COPA: variants seen among roughly 807,000 people sequenced by gnomAD.
COPA encodes coat protein complex I subunit alpha.
In COPA, 10 loss-of-function variants were observed where a neutral mutation model predicts 158.7. The observed-to-expected ratio is 0.06, with a 90% confidence interval of 0.04 to 0.11. The LOEUF is 0.11. Among genes scored for constraint, COPA ranks in the 10% least tolerant of loss-of-function variants. COPA has a pLI of 1.00. For missense variants in COPA, 1,065 were observed against 1,536.7 expected (o/e 0.69, Z 5.13); for synonymous variants, 462 against 542.8 (o/e 0.85, Z 2.07).
rs1327051756 is a variant in COPA, at chr1:160,298,190, GA to G, written c.1978-446del. On this transcript the variant is annotated intron_variant, in intron 19 of 32. Coordinates refer to ENST00000241704, the MANE Select transcript of COPA (RefSeq NM_004371.4). ...GAGCGAGACTCCGCCTCAAAAAAAAGAAAAAAAAAAAAAGAAAATCCAGTGA... is the reference window on the plus strand; with the variant it reads ...GAGCGAGACTCCGCCTCAAAAAAAAGAAAAAAAAAAAAGAAAATCCAGTGA... Among the ~76,000 whole-genome samples the G allele has an allele frequency of 6.0e-3, 709 of 117,658 alleles. 4 individuals carry two copies. Among genetic ancestry groups the G allele is most frequent in the African/African-American group, 0.017 (557 of 31,926 alleles). 77.2% of individuals were successfully genotyped at this position (117,658 alleles called of 152,430 possible).
At chr1:160,290,461 C>T (rs1483833090) in intron 32 of COPA, 31 bp downstream of exon 32, 3 of 1,602,934 alleles carry the variant, frequency 1.9e-6, no homozygotes, top group Non-Finnish European at 2.6e-6. Flanking sequence ...CGCTCAATAT[C>T]CTAGATATAT....
intron 8 of COPA, chr1:160,317,621 A>C: frequency 6.5e-7 from 1 of 1,547,110 alleles, no homozygotes; most frequent in Non-Finnish European, 8.9e-7. Context: ...ATTGCTGATA[A>C]TCATACTCCA....
intron 7 of COPA, 40 bp from the exon 8 acceptor site, chr1:160,323,570 C>A (rs1301709224): frequency 6.7e-7 from 1 of 1,501,134 alleles, no homozygotes; most frequent in South Asian, 1.2e-5. Flanking sequence ...TCTTTATAGT[C>A]ATTACTCAAA....
In COPA at chr1:160,297,764, C is replaced by T. The variant is rs770019968; in HGVS notation, c.1978-19G>A. 40 of 1,610,494 alleles carry T rather than the reference C, an allele frequency of 2.5e-5. No individual in the cohort carries two copies. The highest frequency in any genetic ancestry group is 3.4e-5 in the Admixed American group (2 of 59,328). On this transcript the variant is annotated intron_variant, in intron 19 of 32. Transcript: ENST00000241704. ...GAGCAATCTAAAGAATCCCCAGGGTCGTGTTAACAGGTTGAAGGACAATGT... is the reference window on the plus strand; with the variant it reads ...GAGCAATCTAAAGAATCCCCAGGGTTGTGTTAACAGGTTGAAGGACAATGT...
At chr1:160,291,541 T>G in intron 30 of COPA, 45 bp from the exon 31 acceptor site, 1 of 1,595,436 alleles carries the variant, frequency 6.3e-7, no homozygotes, top group Non-Finnish European at 8.6e-7. Context: ...ATGCTACACC[T>G]GGTAGAAGTC....
At chr1:160,308,524 C>T (rs1034744191) in intron 13 of COPA, among the ~76,000 whole-genome samples, 1 of 152,182 alleles carries the variant, frequency 6.6e-6, no homozygotes. Context: ...ACCCAAAAGA[C>T]CATAGGCAAT....
At chr1:160,307,581 G>A (rs1178149735) in intron 13 of COPA, among the ~76,000 whole-genome samples, 3 of 152,088 alleles carry the variant, frequency 2.0e-5, no homozygotes, top group Admixed American at 6.6e-5. Flanking sequence ...GCCAAGCTGC[G>A]GCAAAGCAAG....
In COPA at chr1:160,291,508, A is replaced by G; in HGVS notation, c.3259-12T>C. The G allele has an allele frequency of 6.2e-7, 1 of 1,610,758 alleles. No individual in the cohort carries two copies. Among genetic ancestry groups the G allele is most frequent in the Non-Finnish European group, 8.5e-7 (1 of 1,177,404 alleles). ...AAATAGGCTGCCATCTGGTGGACAG[A>G]AAAAGGAACACATGCCAGGTTGATG... On this transcript the variant is annotated splice_polypyrimidine_tract_variant and intron_variant, in intron 30 of 32. Transcript: ENST00000241704.
At chr1:160,318,492 CAAAAA>C (rs1184111001) in intron 8 of COPA, among the ~76,000 whole-genome samples, 1 of 58,080 alleles carries the variant, frequency 1.7e-5, no homozygotes, top group Non-Finnish European at 2.8e-5. Context: ...AAAAAAAAAA[CAAAAA>C]AAAAAAAAAA....
In COPA at chr1:160,289,745, C is replaced by G. The variant is rs185544068; in HGVS notation, c.*412G>C. On this transcript the variant is annotated 3_prime_UTR_variant, in exon 33 of 33. Transcript: ENST00000241704. ...AGCTGGGACTATAGGCGCATGCTAC[C>G]ATGCCAGGCTAATTTTTATATTTTT... The G allele has an allele frequency of 5.8e-4, 91 of 157,648 alleles. No individual in the cohort carries two copies. The highest frequency in any genetic ancestry group is 2.1e-3 in the African/African-American group (86 of 41,598). 9.8% of individuals were successfully genotyped at this position (157,648 alleles called of 1,614,324 possible).
At position 160,290,170 on chromosome 1, in the gene COPA, A is replaced by G; in HGVS notation, c.3662T>C (p.Leu1221Pro). 6.2e-7 allele frequency: 1 copy of G among 1,614,230 alleles called. No homozygotes were observed. The highest frequency in any genetic ancestry group is 8.5e-7 in the Non-Finnish European group (1 of 1,180,032). The stretch of plus-strand genomic sequence containing the variant: ...ACAAAGGGGGCCTTAGCGAAACTGC[A>G]GAGGACTGATCCTTAAACCAATCAC... ...KDVIGLRISP[L>P]QFR Residue 1221 changes from leucine (L) to proline (P), a missense_variant, in exon 33 of 33, where the codon CTG becomes CCG. Physicochemically the swap from Leu to Pro is moderately conservative, Grantham distance 98. Coordinates refer to ENST00000241704, the MANE Select transcript of COPA (RefSeq NM_004371.4).
intron 3 of COPA, among the ~76,000 whole-genome samples, chr1:160,336,084 AC>A (rs1271063442): frequency 6.8e-6 from 1 of 146,010 alleles, no homozygotes; most frequent in Admixed American, 6.8e-5. Context: ...GATGGCTCAT[AC>A]CTGTAATCCC....
At chr1:160,310,159 G>A (rs1658919227) in intron 12 of COPA, 33 bp downstream of exon 12, 17 of 1,391,286 alleles carry the variant, frequency 1.2e-5, no homozygotes, top group Non-Finnish European at 1.6e-5. Context: ...TGGAAAATGA[G>A]GAGAACCTAG....
At chr1:160,324,435 T>A (rs1438723871) in intron 7 of COPA, among the ~76,000 whole-genome samples, 1 of 149,980 alleles carries the variant, frequency 6.7e-6, no homozygotes, top group Non-Finnish European at 1.5e-5. Context: ...GGACTACAAG[T>A]GAGCACCACC....
In COPA at chr1:160,295,754, C is replaced by T. The variant is rs1658378435; in HGVS notation, c.2458G>A (p.Gly820Ser). The change falls in exon 23 of 33, where the codon GGC becomes AGC. Residue 820 changes from glycine to serine, a missense_variant. Coordinates refer to ENST00000241704, the MANE Select transcript of COPA (RefSeq NM_004371.4). ...LLTVSKGFFE[G>S]TIASKGKGGA... Reference sequence around the variant, plus strand: ...TACTTACCTTTGCTGGCAATGGTGCCTTCAAAAAATCCTTTGGATACAGTC... The same window carrying T: ...TACTTACCTTTGCTGGCAATGGTGCTTTCAAAAAATCCTTTGGATACAGTC... 6.2e-7 allele frequency: 1 copy of T among 1,606,182 alleles called. No homozygotes were observed. Among genetic ancestry groups the T allele is most frequent in the Non-Finnish European group, 8.5e-7 (1 of 1,177,982 alleles).
chr1:160,309,202 A>G, intron 12 of COPA, 26 bp from the exon 13 acceptor site: 1 of 1,578,300 alleles, frequency 6.3e-7, no homozygotes. Flanking sequence ...GGAAATTAAA[A>G]TGTTAGTGAG....
chr1:160,328,917 CAG>C (rs1205684387), intron 6 of COPA, among the ~76,000 whole-genome samples: 2 of 152,046 alleles, frequency 1.3e-5, no homozygotes, highest in Non-Finnish European at 1.5e-5. Context: ...TTAACTAACT[CAG>C]AGAGTGTCCC....
intron 8 of COPA, chr1:160,317,405 C>A (rs1659185331): frequency 1.2e-6 from 2 of 1,606,352 alleles, no homozygotes; most frequent in Non-Finnish European, 1.7e-6. Context: ...GTCATCATGT[C>A]TGACCAGGAG....
At chr1:160,335,381 G>A (rs1647709617) in intron 3 of COPA, 59 bp from the exon 4 acceptor site, 2 of 1,339,166 alleles carry the variant, frequency 1.5e-6, no homozygotes, top group East Asian at 4.9e-5. Context: ...AAAAGGCTCA[G>A]AGAAATTGAT....
Sources: gnomAD v4.1 joint callset for allele counts (sites outside exome capture counted in the v4.1 genomes callset) on GRCh38, gnomAD v4.1.1 for gene constraint, MANE v1.5 for transcripts, NCBI Gene and HGNC (gene_info 2026-07-23, HGNC 2026-07-21) for gene names.